The following ZCWPW2 variants were observed in gnomAD, a reference collection of about 807,000 sequenced individuals.
ZCWPW2 encodes the protein zinc finger CW-type PWWP domain protein 2.
In ZCWPW2, 45 loss-of-function variants were observed where a neutral mutation model predicts 46.6. That is an observed-to-expected ratio of 0.96 (90% confidence interval 0.76 to 1.24). The LOEUF (loss-of-function observed/expected upper bound fraction) is 1.24. ZCWPW2 is among the 50% of genes most tolerant of loss of function. ZCWPW2 has a pLI of 0.00. For missense variants in ZCWPW2, 429 were observed against 403.9 expected (o/e 1.06, Z -0.53); for synonymous variants, 152 against 137.1 (o/e 1.11, Z -0.76).
rs1302691670 is a variant in ZCWPW2, at chr3:28,413,294, G to C, written c.226G>C (p.Glu76Gln). The C allele has an allele frequency of 6.2e-7, 1 of 1,613,102 alleles. No homozygotes were observed. Among genetic ancestry groups the C allele is most frequent in the Non-Finnish European group, 8.5e-7 (1 of 1,179,494 alleles). ...ATATAATAACTGCTCAATTTCTGAA[G>C]AAGACTTCCCTGAAGAGTCTCAGCT... ...SRYNNCSISE[E>Q]DFPEESQLHQ... Residue 76 changes from glutamate to glutamine, a missense_variant, in exon 3 of 10, where the codon GAA becomes CAA. Coordinates refer to ENST00000383768, the MANE Select transcript of ZCWPW2 (RefSeq NM_001040432.4).
chr3:28,380,934 G>GTGTA (rs1463057587), intron 1 of ZCWPW2, among the ~76,000 whole-genome samples: 3 of 13,436 alleles, frequency 2.2e-4, no homozygotes, highest in African/African-American at 9.5e-4. Context: ...TATATATTTG[G>GTGTA]TATATATATA....
chr3:28,508,479 G>A (rs1041592082), intron 6 of ZCWPW2, among the ~76,000 whole-genome samples: 2 of 151,808 alleles, frequency 1.3e-5, no homozygotes, highest in Non-Finnish European at 2.9e-5. Flanking sequence ...TTATGAATAT[G>A]TTCCAGCTCC....
chr3:28,421,153 A>G (rs538514592), intron 3 of ZCWPW2, among the ~76,000 whole-genome samples: 27 of 152,166 alleles, frequency 1.8e-4, no homozygotes, highest in African/African-American at 4.6e-4. Flanking sequence ...CTCAGCTTCT[A>G]TTGATTTCCA....
At chr3:28,424,228 A>AACACACACACACACACACAC (rs55725925) in intron 3 of ZCWPW2, among the ~76,000 whole-genome samples, 16 of 138,868 alleles carry the variant, frequency 1.2e-4, no homozygotes, top group African/African-American at 4.3e-4. Context: ...GTCTTATTCC[A>AACACACACACACACACACAC]ACACACACAC....
At chr3:28,501,316 A>G (rs551592004) in intron 6 of ZCWPW2, among the ~76,000 whole-genome samples, 1 of 152,296 alleles carries the variant, frequency 6.6e-6, no homozygotes, top group African/African-American at 2.4e-5. Flanking sequence ...CTTTCTTATT[A>G]TGCCAGCTCA....
intron 1 of ZCWPW2, among the ~76,000 whole-genome samples, chr3:28,373,721 C>T (rs918802773): frequency 3.9e-5 from 6 of 152,056 alleles, no homozygotes; most frequent in Admixed American, 3.9e-4. Context: ...GGTGATCCAC[C>T]CTTTCACCCT....
chr3:28,470,290 C>T (rs1269863824), intron 4 of ZCWPW2, among the ~76,000 whole-genome samples: 2 of 151,894 alleles, frequency 1.3e-5, no homozygotes, highest in Admixed American at 6.6e-5. Context: ...GTCAGGAGAC[C>T]GAGACCATCC....
chr3:28,375,149 GGTTTTTTTTTTTA>G (rs1466782912), intron 1 of ZCWPW2, among the ~76,000 whole-genome samples: 3 of 149,896 alleles, frequency 2.0e-5, no homozygotes, highest in African/African-American at 7.4e-5. Flanking sequence ...ATAACTACTT[GGTTTTTTTTTTTA>G]GTTTTTTGTT....
At chr3:28,408,901 T>A (rs2125736597) in intron 2 of ZCWPW2, among the ~76,000 whole-genome samples, 1 of 152,134 alleles carries the variant, frequency 6.6e-6, no homozygotes, top group South Asian at 2.1e-4. Context: ...GGGAAAGACA[T>A]CTGAAAGAAA....
chr3:28,366,580 T>C (rs1194348251), intron 1 of ZCWPW2, among the ~76,000 whole-genome samples: 5 of 141,278 alleles, frequency 3.5e-5, no homozygotes, highest in African/African-American at 1.3e-4. Context: ...TCAATGTTCA[T>C]CAGGGATATT....
intron 3 of ZCWPW2, among the ~76,000 whole-genome samples, chr3:28,414,134 ATTAC>A (rs1279173442): frequency 3.3e-5 from 5 of 151,788 alleles, no homozygotes; most frequent in Non-Finnish European, 7.4e-5. Context: ...GGATTTTGAT[ATTAC>A]TTATGGTGGC....
intron 1 of ZCWPW2, among the ~76,000 whole-genome samples, chr3:28,369,825 G>A (rs1217466973): frequency 6.6e-6 from 1 of 152,176 alleles, no homozygotes; most frequent in East Asian, 1.9e-4. Context: ...CTTCCTGGCT[G>A]CTTTGTTTAC....
intron 4 of ZCWPW2, among the ~76,000 whole-genome samples, chr3:28,450,961 C>T (rs961366595): frequency 5.9e-5 from 9 of 152,162 alleles, no homozygotes; most frequent in Non-Finnish European, 8.8e-5. Flanking sequence ...ATTTGACACC[C>T]TTATTGTAGG....
At chr3:28,476,129 G>T (rs542540999) in intron 4 of ZCWPW2, among the ~76,000 whole-genome samples, 2 of 150,802 alleles carry the variant, frequency 1.3e-5, no homozygotes, top group South Asian at 4.2e-4. Flanking sequence ...TATATAAATT[G>T]TATAGTTCTA....
chr3:28,493,095 C>CTTT (rs11426111), intron 6 of ZCWPW2, among the ~76,000 whole-genome samples: 17 of 77,066 alleles, frequency 2.2e-4, no homozygotes, highest in Admixed American at 2.7e-4. Flanking sequence ...CTTGGCTTTT[C>CTTT]TTTTTTTTTT....
intron 5 of ZCWPW2, among the ~76,000 whole-genome samples, chr3:28,490,999 G>A (rs146074012): frequency 1.4e-3 from 220 of 152,132 alleles, no homozygotes; most frequent in African/African-American, 4.8e-3. Context: ...AACACTTACT[G>A]CATATAAAAT....
rs139372065 is a variant in ZCWPW2, at chr3:28,471,912, T to G, written c.493-6902T>G. 9.3e-3 allele frequency among the ~76,000 whole-genome samples: 1,417 copies of G among 152,222 alleles called. 9 individuals carry two copies. The highest frequency in any genetic ancestry group is 0.014 in the Admixed American group (213 of 15,288). On this transcript the variant is annotated intron_variant, in intron 4 of 9. Coordinates refer to ENST00000383768, the MANE Select transcript of ZCWPW2 (RefSeq NM_001040432.4). ...ATACTAATCAACATACAAACATCAG[T>G]GGGATATTTATATGCCAATAGTGGA...
chr3:28,515,747 A>G (rs373632069), intron 8 of ZCWPW2, 126 bp downstream of exon 8: 21 of 594,820 alleles, frequency 3.5e-5, no homozygotes, highest in Non-Finnish European at 4.7e-5. Context: ...GTGTGTGTGT[A>G]TACACATATA....
At chr3:28,470,662 C>T (rs956597700) in intron 4 of ZCWPW2, among the ~76,000 whole-genome samples, 16 of 151,664 alleles carry the variant, frequency 1.1e-4, no homozygotes, top group Non-Finnish European at 2.2e-4. Flanking sequence ...AATAAACAAC[C>T]TAATGATACA....
Sources: gnomAD v4.1 joint callset for allele counts (sites outside exome capture counted in the v4.1 genomes callset) on GRCh38, gnomAD v4.1.1 for gene constraint, MANE v1.5 for transcripts, NCBI Gene and HGNC (gene_info 2026-07-23, HGNC 2026-07-21) for gene names.